Variants in TMEM132D observed in about 807,000 individuals in gnomAD.
The protein encoded by TMEM132D is transmembrane protein 132D, also known as mature OL transmembrane protein.
Under a neutral mutation model 62.3 loss-of-function variants are expected in TMEM132D, and 21 were observed. The ratio of observed to expected loss-of-function variants is 0.34; its 90% CI spans 0.24 to 0.49. TMEM132D has a LOEUF of 0.49. TMEM132D is among the 20% of genes least tolerant of loss of function. The probability of loss-of-function intolerance (pLI) is 0.99; values close to 1 mark genes in which losing one functional copy is unlikely to be tolerated. For missense variants in TMEM132D, 1,346 were observed against 1,402.8 expected, an observed-to-expected ratio of 0.96 and a Z score of 0.65; for synonymous variants, 621 against 575.6, an observed-to-expected ratio of 1.08 and a Z score of -1.13.
intron 1 of TMEM132D, among the ~76,000 whole-genome samples, chr12:129,767,892 C>G (rs1186670958): frequency 6.6e-6 from 1 of 152,150 alleles, no homozygotes; most frequent in Non-Finnish European, 1.5e-5. Flanking sequence ...GCTGGGGAGG[C>G]CTCACAGTCA....
At chr12:129,204,149 C>T (rs1472731748) in intron 5 of TMEM132D, among the ~76,000 whole-genome samples, 2 of 152,178 alleles carry the variant, frequency 1.3e-5, no homozygotes, top group Non-Finnish European at 2.9e-5. Context: ...TAAATGACTG[C>T]ACTAGTTCCC....
intron 3 of TMEM132D, among the ~76,000 whole-genome samples, chr12:129,378,924 A>G (rs1375447830): frequency 1.3e-5 from 2 of 152,174 alleles, no homozygotes; most frequent in Non-Finnish European, 2.9e-5. Flanking sequence ...GTTCTTTTCA[A>G]CCACAATGTG....
chr12:129,652,161 C>A (rs1018783797), intron 2 of TMEM132D, among the ~76,000 whole-genome samples: 4 of 152,190 alleles, frequency 2.6e-5, no homozygotes, highest in Non-Finnish European at 4.4e-5. Flanking sequence ...TGCTTTGAAT[C>A]AAGTCAGTAC....
intron 2 of TMEM132D, among the ~76,000 whole-genome samples, chr12:129,551,400 T>C (rs1686064764): frequency 6.6e-6 from 1 of 152,188 alleles, no homozygotes; most frequent in Non-Finnish European, 1.5e-5. Context: ...TAGGAAGGCA[T>C]GTCTCTCTCT....
intron 1 of TMEM132D, among the ~76,000 whole-genome samples, chr12:129,822,701 G>A (rs1444364631): frequency 6.6e-6 from 1 of 152,164 alleles, no homozygotes; most frequent in African/African-American, 2.4e-5. Context: ...CTTCTCACAG[G>A]GCGGCAGGAG....
intron 3 of TMEM132D, among the ~76,000 whole-genome samples, chr12:129,400,000 G>T (rs1448926291): frequency 6.6e-6 from 1 of 151,966 alleles, no homozygotes; most frequent in Non-Finnish European, 1.5e-5. Context: ...AAGTGTGATT[G>T]TGATGATAGA....
chr12:129,527,367 A>C (rs1233868075), intron 3 of TMEM132D, among the ~76,000 whole-genome samples: 1 of 152,224 alleles, frequency 6.6e-6, no homozygotes, highest in African/African-American at 2.4e-5. Flanking sequence ...TATTTACAAA[A>C]AATGTAAAAT....
At chr12:129,183,341 C>G (rs112202912) in intron 5 of TMEM132D, among the ~76,000 whole-genome samples, 1,550 of 152,320 alleles carry the variant, frequency 0.01, 27 homozygotes, top group African/African-American at 0.035. Context: ...GCTCCTAAAA[C>G]AAGAGCCTGC....
intron 1 of TMEM132D, among the ~76,000 whole-genome samples, chr12:129,835,159 A>G (rs1872965710): frequency 6.6e-6 from 1 of 152,198 alleles, no homozygotes; most frequent in Non-Finnish European, 1.5e-5. Context: ...AAACAGCCCT[A>G]GTGCAAGGAG....
intron 5 of TMEM132D, among the ~76,000 whole-genome samples, chr12:129,172,043 G>T (rs1403055056): frequency 6.6e-6 from 1 of 152,238 alleles, no homozygotes; most frequent in Non-Finnish European, 1.5e-5. Context: ...TTCCCTGGAA[G>T]GTTGTTCTTG....
At chr12:129,333,009 T>G (rs985734136) in intron 4 of TMEM132D, among the ~76,000 whole-genome samples, 1 of 152,178 alleles carries the variant, frequency 6.6e-6, no homozygotes, top group African/African-American at 2.4e-5. Flanking sequence ...GTAGCTTTAA[T>G]GTTATATGAC....
chr12:129,536,455 C>G (rs1876392908), intron 2 of TMEM132D, among the ~76,000 whole-genome samples: 1 of 152,156 alleles, frequency 6.6e-6, no homozygotes, highest in Non-Finnish European at 1.5e-5. Flanking sequence ...ATTGTGCAAT[C>G]ACTCTTGGCT....
At chr12:129,573,986 G>T (rs1371040202) in intron 2 of TMEM132D, among the ~76,000 whole-genome samples, 1 of 151,886 alleles carries the variant, frequency 6.6e-6, no homozygotes, top group Non-Finnish European at 1.5e-5. Flanking sequence ...ACTCTATGGG[G>T]CCCGGGTGAT....
At chr12:129,482,526 C>T (rs1874458753) in intron 3 of TMEM132D, among the ~76,000 whole-genome samples, 1 of 152,160 alleles carries the variant, frequency 6.6e-6, no homozygotes, top group African/African-American at 2.4e-5. Flanking sequence ...AGGTTGTTGA[C>T]ACCATATTAG....
At chr12:129,744,652 C>T (rs1277519885) in intron 1 of TMEM132D, among the ~76,000 whole-genome samples, 1 of 152,126 alleles carries the variant, frequency 6.6e-6, no homozygotes, top group Non-Finnish European at 1.5e-5. Context: ...ACACCCTGGA[C>T]TGAGTAAACT....
chr12:129,801,999 C>A (rs1281265378), intron 1 of TMEM132D, among the ~76,000 whole-genome samples: 14 of 149,426 alleles, frequency 9.4e-5, no homozygotes, highest in Admixed American at 4.7e-4. Context: ...AAAAGAATAA[C>A]AAGAAATGAG....
chr12:129,484,017 T>G (rs1044834573), intron 3 of TMEM132D, among the ~76,000 whole-genome samples: 8 of 152,216 alleles, frequency 5.3e-5, no homozygotes, highest in African/African-American at 7.2e-5. Context: ...TCACTCAGGC[T>G]GGAGTGCCAT....
At chr12:129,786,198 C>T (rs1593160959) in intron 1 of TMEM132D, among the ~76,000 whole-genome samples, 2 of 152,130 alleles carry the variant, frequency 1.3e-5, no homozygotes, top group East Asian at 1.9e-4. Context: ...TGGATGCCCA[C>T]CAGCTTCCCT....
intron 1 of TMEM132D, among the ~76,000 whole-genome samples, chr12:129,731,336 G>A (rs1869228853): frequency 6.6e-6 from 1 of 152,108 alleles, no homozygotes; most frequent in African/African-American, 2.4e-5. Context: ...AAAATGCATA[G>A]TATCTCAGGT....
Sources: allele counts gnomAD v4.1 joint callset (sites outside exome capture counted in the v4.1 genomes callset), GRCh38; gene constraint gnomAD v4.1.1; transcripts MANE v1.5; gene names NCBI Gene and HGNC (gene_info 2026-07-23, HGNC 2026-07-21).